Variants in ANKS1B observed in about 807,000 individuals in gnomAD.
ANKS1B encodes the protein ankyrin repeat and sterile alpha motif domain-containing protein 1B.
In ANKS1B, 36 loss-of-function variants were observed where a neutral mutation model predicts 148.3. That is an observed-to-expected ratio of 0.24 (90% CI 0.19 to 0.32). The LOEUF is 0.32. ANKS1B is among the 10% of genes least tolerant of loss of function. The probability of loss-of-function intolerance (pLI) is 1.00; values close to 1 mark genes in which losing one functional copy is unlikely to be tolerated. For synonymous variants in ANKS1B, 542 were observed against 560.8 expected, an observed-to-expected ratio of 0.97 and a Z score of 0.47; for missense variants, 1,157 against 1,542.6, an observed-to-expected ratio of 0.75 and a Z score of 4.19.
chr12:99,568,364 C>A (rs1324798268), intron 9 of ANKS1B, among the ~76,000 whole-genome samples: 2 of 152,174 alleles, frequency 1.3e-5, no homozygotes, highest in Non-Finnish European at 2.9e-5. Flanking sequence ...CTCAGCCTAC[C>A]TTGATTACCC....
intron 4 of ANKS1B, among the ~76,000 whole-genome samples, chr12:99,801,679 A>C (rs1405573009): frequency 2.0e-5 from 3 of 152,194 alleles, no homozygotes; most frequent in Non-Finnish European, 4.4e-5. Flanking sequence ...AGTTTTTAAA[A>C]GATGAGAAAT....
chr12:99,036,078 C>T (rs2099955379), intron 17 of ANKS1B, among the ~76,000 whole-genome samples: 1 of 152,106 alleles, frequency 6.6e-6, no homozygotes, highest in South Asian at 2.1e-4. Context: ...CTCTGCATTC[C>T]CTGGGGGTGA....
At chr12:99,648,000 G>C (rs1258861030) in intron 9 of ANKS1B, 17 of 815,346 alleles carry the variant, frequency 2.1e-5, no homozygotes, top group Non-Finnish European at 3.0e-5. Context: ...TTGAGCGGTT[G>C]GTAATCAATA....
intron 9 of ANKS1B, among the ~76,000 whole-genome samples, chr12:99,546,195 T>A (rs1232338007): frequency 6.6e-6 from 1 of 152,092 alleles, no homozygotes; most frequent in East Asian, 1.9e-4. Context: ...CCTGGAGAAG[T>A]GAAATCTAAG....
intron 22 of ANKS1B, among the ~76,000 whole-genome samples, chr12:98,787,143 C>T (rs908216435): frequency 6.6e-6 from 1 of 152,122 alleles, no homozygotes; most frequent in African/African-American, 2.4e-5. Flanking sequence ...AAAAAACATA[C>T]ACAAAATAAG....
At chr12:99,917,687 C>A (rs1057464335) in intron 1 of ANKS1B, among the ~76,000 whole-genome samples, 1 of 152,202 alleles carries the variant, frequency 6.6e-6, no homozygotes, top group African/African-American at 2.4e-5. Context: ...ATCCACCAGT[C>A]TCACCTTTTA....
chr12:99,440,249 A>C (rs554815017), intron 11 of ANKS1B, among the ~76,000 whole-genome samples: 1 of 151,858 alleles, frequency 6.6e-6, no homozygotes, highest in African/African-American at 2.4e-5. Flanking sequence ...ATTAAAGTTC[A>C]TCAAGCTATA....
intron 17 of ANKS1B, among the ~76,000 whole-genome samples, chr12:98,977,376 C>A (rs537201233): frequency 6.6e-6 from 1 of 152,262 alleles, no homozygotes; most frequent in South Asian, 2.1e-4. Context: ...AAGTCAGTGC[C>A]ATTTTGTGGT....
intron 9 of ANKS1B, among the ~76,000 whole-genome samples, chr12:99,646,443 G>A (rs1448643559): frequency 6.6e-6 from 1 of 152,034 alleles, no homozygotes; most frequent in Non-Finnish European, 1.5e-5. Flanking sequence ...GAATCACGAG[G>A]TCAGGAGTTC....
rs11109817 is a variant in ANKS1B, at chr12:99,377,071, G to C, written c.1756+22560C>G. Among the ~76,000 whole-genome samples the C allele has an allele frequency of 6.0e-3, 916 of 151,550 alleles. 13 individuals carry two copies. Among genetic ancestry groups the C allele is most frequent in the African/African-American group, 0.021 (867 of 41,278 alleles). ...TCGCCAGGCTGAAGTGCCGTGGTGC[G>C]ATCTTGGCCCACTGCAACTTCCGCC... is the stretch of plus-strand genomic sequence containing the variant. On this transcript the variant is annotated intron_variant, in intron 12 of 26. Transcript: ENST00000683438.
At chr12:98,841,137 T>C (rs1458457686) in intron 17 of ANKS1B, among the ~76,000 whole-genome samples, 1 of 152,192 alleles carries the variant, frequency 6.6e-6, no homozygotes, top group African/African-American at 2.4e-5. Flanking sequence ...CTTTATTTCC[T>C]TTCAATTTTT....
At chr12:99,166,181 T>C (rs2077170175) in intron 14 of ANKS1B, among the ~76,000 whole-genome samples, 1 of 151,046 alleles carries the variant, frequency 6.6e-6, no homozygotes, top group Admixed American at 6.6e-5. Flanking sequence ...TGTGAAAGAC[T>C]GAATGCTTTT....
chr12:99,281,386 T>C lies in ANKS1B; in HGVS notation c.1757-34522A>G, dbSNP rs913222449. Among the ~76,000 whole-genome samples the C allele has an allele frequency of 7.2e-5, 11 of 152,286 alleles. No homozygotes were observed. The South Asian group carries it at 2.1e-3, about 29-fold the overall frequency. ...CCTCTTTGCTTGTGAATTTTCAAAA[T>C]TAAAAGAGAAAAGTCTGAGTCATGA... On this transcript the variant is annotated intron_variant, in intron 12 of 26. Transcript: ENST00000683438.
intron 1 of ANKS1B, among the ~76,000 whole-genome samples, chr12:99,827,780 C>A (rs1758098009): frequency 1.3e-5 from 2 of 152,168 alleles, no homozygotes; most frequent in South Asian, 2.1e-4. Context: ...AGAATTCACA[C>A]ACACACTGCT....
chr12:99,669,212 C>T (rs1411812565), intron 8 of ANKS1B, among the ~76,000 whole-genome samples: 1 of 152,042 alleles, frequency 6.6e-6, no homozygotes. Context: ...ACTCTGTCAC[C>T]TAGGCTGGAG....
At chr12:99,533,403 G>C (rs1051933671) in intron 9 of ANKS1B, among the ~76,000 whole-genome samples, 3 of 152,178 alleles carry the variant, frequency 2.0e-5, no homozygotes, top group African/African-American at 7.2e-5. Flanking sequence ...TGAGACTTTA[G>C]TGAATTCATC....
intron 22 of ANKS1B, among the ~76,000 whole-genome samples, chr12:98,785,286 A>G (rs746657794): frequency 1.3e-5 from 2 of 152,178 alleles, no homozygotes; most frequent in Non-Finnish European, 2.9e-5. Context: ...CCTGGCCAAC[A>G]TGGCAAAACC....
At chr12:98,874,368 G>C (rs1286866695) in intron 17 of ANKS1B, among the ~76,000 whole-genome samples, 2 of 152,186 alleles carry the variant, frequency 1.3e-5, no homozygotes, top group East Asian at 3.8e-4. Flanking sequence ...ACTAGTTTAA[G>C]GGAGTGGAGC....
At chr12:99,255,900 T>G (rs1021383244) in intron 12 of ANKS1B, among the ~76,000 whole-genome samples, 1 of 152,182 alleles carries the variant, frequency 6.6e-6, no homozygotes, top group African/African-American at 2.4e-5. Flanking sequence ...TTCATGAGAA[T>G]TACATGTATT....
Sources: allele counts gnomAD v4.1 joint callset (sites outside exome capture counted in the v4.1 genomes callset), GRCh38; gene constraint gnomAD v4.1.1; transcripts MANE v1.5; gene names NCBI Gene and HGNC (gene_info 2026-07-23, HGNC 2026-07-21).